SCMH1: variants seen among roughly 807,000 people sequenced by gnomAD.
SCMH1 encodes the protein Scm polycomb group protein homolog 1.
SCMH1 carries 37 observed loss-of-function variants against 70.8 expected under a neutral mutation model. The observed-to-expected ratio is 0.52, with a 90% CI of 0.40 to 0.69. SCMH1 has a LOEUF of 0.69. Ranked by LOEUF, SCMH1 falls within the 30% of genes least tolerant of loss-of-function variation. The pLI is 0.00. For missense variants in SCMH1, 607 were observed against 827.3 expected (o/e 0.73, Z 3.27); for synonymous variants, 292 against 307.4 (o/e 0.95, Z 0.52).
intron 1 of SCMH1, among the ~76,000 whole-genome samples, chr1:41,206,098 G>A (rs1655475544): frequency 6.6e-6 from 1 of 152,188 alleles, no homozygotes; most frequent in Non-Finnish European, 1.5e-5. Flanking sequence ...AACCAGAGCA[G>A]AAAAGCTGAA....
intron 2 of SCMH1, among the ~76,000 whole-genome samples, chr1:41,176,778 G>A (rs183726999): frequency 0.014 from 2,105 of 152,300 alleles, 48 homozygotes; most frequent in African/African-American, 0.048. Flanking sequence ...GGAGCCTACC[G>A]CAGCTCAAGG....
chr1:41,128,928 T>C (rs1289723633), intron 6 of SCMH1, among the ~76,000 whole-genome samples: 3 of 152,172 alleles, frequency 2.0e-5, no homozygotes, highest in Non-Finnish European at 4.4e-5. Flanking sequence ...AACAGTAATA[T>C]GTTGTGGATC....
At chr1:41,155,496 C>T (rs1381349487) in intron 4 of SCMH1, among the ~76,000 whole-genome samples, 1 of 150,610 alleles carries the variant, frequency 6.6e-6, no homozygotes, top group African/African-American at 2.5e-5. Context: ...TATTTTGCTC[C>T]ACATGGAGCA....
chr1:41,068,108 C>G (rs1558600148), intron 10 of SCMH1, among the ~76,000 whole-genome samples: 1 of 152,102 alleles, frequency 6.6e-6, no homozygotes, highest in East Asian at 1.9e-4. Context: ...TGTGTAAAAT[C>G]CTTTTATGGA....
rs942032265 is a variant in SCMH1 at position 41,191,450 on chromosome 1, C to T, written c.-117-5200G>A. Among the ~76,000 whole-genome samples, 5 of 152,300 alleles carry T rather than the reference C, an allele frequency of 3.3e-5. No homozygotes were observed. In the East Asian group the frequency reaches 5.8e-4, roughly 18 times the overall value. On this transcript the variant is annotated intron_variant, in intron 1 of 14. Coordinates refer to ENST00000337495, the Ensembl canonical transcript of SCMH1. ...CCAAGGTTCACTGCAAAGTAATCTGCTCTATAAATTTAGATTTCATATATT... is the reference window on the plus strand; with the variant it reads ...CCAAGGTTCACTGCAAAGTAATCTGTTCTATAAATTTAGATTTCATATATT...
chr1:41,062,532 G>C (rs2148817852), intron 10 of SCMH1, among the ~76,000 whole-genome samples: 1 of 152,020 alleles, frequency 6.6e-6, no homozygotes, highest in East Asian at 1.9e-4. Flanking sequence ...ATGAGGTCAG[G>C]AATTCGAGAC....
At chr1:41,056,746 A>G (rs1372326719) in intron 10 of SCMH1, among the ~76,000 whole-genome samples, 1 of 152,246 alleles carries the variant, frequency 6.6e-6, no homozygotes, top group Non-Finnish European at 1.5e-5. Flanking sequence ...TCAGAGGCTC[A>G]GTGTGAAGAA....
chr1:41,046,040 G>A (rs966993131), intron 12 of SCMH1, among the ~76,000 whole-genome samples: 19 of 152,118 alleles, frequency 1.2e-4, no homozygotes, highest in African/African-American at 4.3e-4. Context: ...AAACCTTCCT[G>A]CTGGCAAGGG....
At chr1:41,174,891 T>C (rs2148536173) in intron 2 of SCMH1, among the ~76,000 whole-genome samples, 1 of 152,328 alleles carries the variant, frequency 6.6e-6, no homozygotes, top group South Asian at 2.1e-4. Flanking sequence ...AGAACTTCAC[T>C]CCCCTGGGGA....
chr1:41,103,438 G>A (rs1020706075), intron 8 of SCMH1, among the ~76,000 whole-genome samples: 18 of 152,072 alleles, frequency 1.2e-4, no homozygotes, highest in African/African-American at 3.9e-4. Context: ...CACTGCGCCC[G>A]GCCCAAGGGA....
chr1:41,091,248 C>T (rs541350178), intron 8 of SCMH1, among the ~76,000 whole-genome samples: 2 of 152,218 alleles, frequency 1.3e-5, no homozygotes, highest in African/African-American at 2.4e-5. Flanking sequence ...AATCAACAAA[C>T]GTAATCCATC....
chr1:41,058,312 A>C (rs200543470), intron 10 of SCMH1, among the ~76,000 whole-genome samples: 1 of 150,820 alleles, frequency 6.6e-6, no homozygotes, highest in Non-Finnish European at 1.5e-5. Flanking sequence ...AATATGAGCC[A>C]CAGACACATC....
At chr1:41,055,844 C>T (rs1650065980) in intron 10 of SCMH1, among the ~76,000 whole-genome samples, 1 of 152,110 alleles carries the variant, frequency 6.6e-6, no homozygotes, top group Admixed American at 6.6e-5. Flanking sequence ...TAAGAGGCCT[C>T]GTGTACTGGG....
intron 6 of SCMH1, among the ~76,000 whole-genome samples, chr1:41,130,110 T>C (rs1400639709): frequency 1.3e-5 from 2 of 152,226 alleles, no homozygotes; most frequent in African/African-American, 2.4e-5. Flanking sequence ...CATGTGCTAA[T>C]TGGCCATTTG....
chr1:41,212,075 A>T (rs1657153326), intron 1 of SCMH1, among the ~76,000 whole-genome samples: 1 of 152,168 alleles, frequency 6.6e-6, no homozygotes, highest in Admixed American at 6.6e-5. Context: ...AAATGAGTTG[A>T]TGGGTGCAGC....
intron 1 of SCMH1, among the ~76,000 whole-genome samples, chr1:41,238,357 C>T (rs1355443631): frequency 6.6e-6 from 1 of 152,146 alleles, no homozygotes; most frequent in Admixed American, 6.5e-5. Flanking sequence ...CTCTTCAGAG[C>T]AAACAGAATG....
intron 8 of SCMH1, among the ~76,000 whole-genome samples, chr1:41,101,177 T>C (rs548386731): frequency 9.8e-5 from 15 of 152,296 alleles, no homozygotes; most frequent in Admixed American, 5.9e-4. Context: ...AATGGATAGA[T>C]ACTGGGGAAA....
chr1:41,096,671 A>G (rs1665159809), intron 8 of SCMH1, among the ~76,000 whole-genome samples: 1 of 152,172 alleles, frequency 6.6e-6, no homozygotes, highest in South Asian at 2.1e-4. Context: ...TTGTTCTGGG[A>G]CCCTGAAACT....
chr1:41,075,698 T>C (rs941425006), intron 8 of SCMH1, among the ~76,000 whole-genome samples: 1 of 152,210 alleles, frequency 6.6e-6, no homozygotes, highest in African/African-American at 2.4e-5. Context: ...TAAGGCACCT[T>C]AGACAAATAT....
Sources: allele counts gnomAD v4.1 joint callset (sites outside exome capture counted in the v4.1 genomes callset), GRCh38; gene constraint gnomAD v4.1.1; transcripts MANE v1.5; gene names NCBI Gene and HGNC (gene_info 2026-07-23, HGNC 2026-07-21).